MAP2K3: variants seen among roughly 807,000 people sequenced by gnomAD.
MAP2K3 encodes dual specificity mitogen-activated protein kinase kinase 3.
A neutral mutation model predicts 46.4 loss-of-function variants in MAP2K3; 30 were observed. That is an observed-to-expected ratio of 0.65 (90% CI 0.48 to 0.88). The LOEUF (loss-of-function observed/expected upper bound fraction) is 0.88, where lower values mean the gene tolerates loss of function less well. MAP2K3 is among the 40% of genes least tolerant of loss of function. The pLI is 0.00. For synonymous variants in MAP2K3, 189 were observed against 176.3 expected (o/e 1.07, Z -0.57); for missense variants, 380 against 464.5 (o/e 0.82, Z 1.67).
intron 9 of MAP2K3, among the ~76,000 whole-genome samples, chr17:21,309,991 T>C (rs988303026): frequency 6.6e-6 from 1 of 151,922 alleles, no homozygotes; most frequent in African/African-American, 2.4e-5. Flanking sequence ...TCTGTTTTTT[T>C]TGTTTTTTGT....
intron 3 of MAP2K3, 119 bp downstream of exon 3, chr17:21,299,045 G>A: frequency 6.8e-7 from 1 of 1,461,304 alleles, no homozygotes. Context: ...GTCAGGCTCT[G>A]GAGAAGAGCC....
At chr17:21,306,554 T>A (rs77823401) in intron 9 of MAP2K3, among the ~76,000 whole-genome samples, 1 of 149,008 alleles carries the variant, frequency 6.7e-6, no homozygotes, top group Non-Finnish European at 1.5e-5. Context: ...TGGCACAATC[T>A]TAGCTCACCG....
chr17:21,293,372 A>G (rs1976053859), intron 1 of MAP2K3, among the ~76,000 whole-genome samples: 1 of 152,304 alleles, frequency 6.6e-6, no homozygotes, highest in Admixed American at 6.5e-5. Context: ...CTTCCCTCCA[A>G]AGCACAAGTG....
Position 21,302,184 on chromosome 17 carries a change from G to C in MAP2K3, c.441G>C (p.Leu147Phe), listed in dbSNP as rs1265141106. 3.1e-6 allele frequency: 5 copies of C among 1,613,150 alleles called. No homozygotes were observed. Among genetic ancestry groups the C allele is most frequent in the Non-Finnish European group, 3.4e-6 (4 of 1,179,388 alleles). Residue 147 changes from leucine to phenylalanine, a missense_variant, in exon 6 of 12, where the codon TTG (leucine) becomes TTC (phenylalanine). This residue lies in a region of MAP2K3 where 294 missense variants were observed against 275.4 expected (regional missense o/e 1.07). Coordinates refer to ENST00000342679, the MANE Select transcript of MAP2K3 (RefSeq NM_145109.3). ...WICMELMDTS[L>F]DKFYRKVLDK... ...GCATGGAGCTCATGGACACATCCTT[G>C]GACAAGTTCTACCGGAAGGTGCTGG...
chr17:21,298,673 C>T (rs1032799242), intron 2 of MAP2K3, among the ~76,000 whole-genome samples, 194 bp downstream of exon 2: 6 of 152,304 alleles, frequency 3.9e-5, no homozygotes, highest in Non-Finnish European at 5.9e-5. Flanking sequence ...CTGCTCACTT[C>T]TCACCCTGTC....
intron 6 of MAP2K3, among the ~76,000 whole-genome samples, chr17:21,302,620 A>C (rs914505793): frequency 9.8e-5 from 15 of 152,424 alleles, no homozygotes; most frequent in African/African-American, 3.6e-4. Context: ...GTACAAGCTA[A>C]GTTGGGGGAA....
In MAP2K3 at chr17:21,293,446, C is replaced by T. The variant is rs1976058169; in HGVS notation, c.50-4967C>T. ...GCTGTTGGCATTGGGCGGGAGGACC[C>T]TCTGGCAGCCATGGTTGCCCCTGTG... On this transcript the variant is annotated intron_variant, in intron 1 of 11. Coordinates refer to ENST00000342679, the MANE Select transcript of MAP2K3 (RefSeq NM_145109.3). Among the ~76,000 whole-genome samples, 12 of 152,426 alleles carry T rather than the reference C, an allele frequency of 7.9e-5. No homozygotes were observed. The South Asian group carries it at 2.5e-3, about 32-fold the overall frequency.
chr17:21,299,285 C>G (rs1976453853), intron 3 of MAP2K3, among the ~76,000 whole-genome samples: 1 of 152,308 alleles, frequency 6.6e-6, no homozygotes, highest in African/African-American at 2.4e-5. Flanking sequence ...CAGGCCAGCA[C>G]CTGGGCAACC....
chr17:21,313,296 T>C (rs1866005), intron 10 of MAP2K3, among the ~76,000 whole-genome samples, 196 bp from the exon 11 acceptor site: 1 of 152,146 alleles, frequency 6.6e-6, no homozygotes, highest in Non-Finnish European at 1.5e-5. Flanking sequence ...CAGAGAAACT[T>C]GCTGCAAGTC....
intron 1 of MAP2K3, among the ~76,000 whole-genome samples, chr17:21,285,770 A>G (rs1975706450): frequency 6.6e-6 from 1 of 152,154 alleles, no homozygotes; most frequent in Admixed American, 6.5e-5. Context: ...CCGCCAGGCC[A>G]GGGTGCTGGC....
chr17:21,302,100 G>A lies in MAP2K3; in HGVS notation c.400-43G>A, dbSNP rs769993339. ...CAGGCAGTGCAGGTGGTGCAGACACGGGCAGCCCGGCAGCCTGGCTGAGCT... is the reference window on the plus strand; with the variant it reads ...CAGGCAGTGCAGGTGGTGCAGACACAGGCAGCCCGGCAGCCTGGCTGAGCT... On this transcript the variant is annotated intron_variant, in intron 5 of 11. Coordinates refer to ENST00000342679, the MANE Select transcript of MAP2K3 (RefSeq NM_145109.3). 183 of 1,604,338 alleles carry A rather than the reference G, an allele frequency of 1.1e-4. No homozygotes were observed. The East Asian group carries it at 1.6e-3, about 14-fold the overall frequency.
rs1316147051 is a variant in MAP2K3 at position 21,303,101 on chromosome 17, G to A, written c.517-82G>A. 5.7e-6 allele frequency: 9 copies of A among 1,569,098 alleles called. No individual in the cohort carries two copies. In the African/African-American group the frequency reaches 1.1e-4, roughly 19 times the overall value. Reference sequence around the variant, plus strand: ...GAGCGGGAGACAGGTGGACATGGATGGGGTCTTACTGCTCTGTCGTTTTTG... The same window carrying A: ...GAGCGGGAGACAGGTGGACATGGATAGGGTCTTACTGCTCTGTCGTTTTTG... On this transcript the variant is annotated intron_variant, in intron 6 of 11. Coordinates refer to ENST00000342679, the MANE Select transcript of MAP2K3 (RefSeq NM_145109.3).
intron 9 of MAP2K3, among the ~76,000 whole-genome samples, chr17:21,311,212 C>T (rs1380807999): frequency 2.0e-5 from 3 of 152,176 alleles, no homozygotes; most frequent in Non-Finnish European, 4.4e-5. Context: ...AGGTCTCTTC[C>T]GTTCATCATG....
chr17:21,312,847 G>GAGGTTGCAGTGAGCGGGAGCCA (rs1977229670), intron 10 of MAP2K3, among the ~76,000 whole-genome samples: 33 of 151,556 alleles, frequency 2.2e-4, no homozygotes, highest in African/African-American at 8.0e-4. Context: ...CCCGGGAGCC[G>GAGGTTGCAGTGAGCGGGAGCCA]GAGGTTGCAG....
At chr17:21,295,466 T>G (rs1019071467) in intron 1 of MAP2K3, among the ~76,000 whole-genome samples, 1 of 151,150 alleles carries the variant, frequency 6.6e-6, no homozygotes, top group Non-Finnish European at 1.5e-5. Flanking sequence ...GCCGAGAGCC[T>G]CTGTTTGTTG....
In MAP2K3 at chr17:21,300,866, C is replaced by T. The variant is rs1464046357; in HGVS notation, c.280-8C>T. The T allele has an allele frequency of 6.2e-7, 1 of 1,614,100 alleles. No homozygotes were observed. Among genetic ancestry groups the T allele is most frequent in the Non-Finnish European group, 8.5e-7 (1 of 1,180,054 alleles). On this transcript the variant is annotated splice_polypyrimidine_tract_variant and splice_region_variant and intron_variant, in intron 4 of 11. Transcript: ENST00000342679. ...CGGCAACCTCTGAATGGCAGTCCTT[C>T]CCTGCAGCGGATCCGGGCCACCGTG...
At position 21,314,953 on chromosome 17, in the gene MAP2K3, C is replaced by T. The variant is rs1873319527; in HGVS notation, c.*723C>T. 6.5e-6 allele frequency: 1 copy of T among 152,696 alleles called. No individual in the cohort carries two copies. The highest frequency in any genetic ancestry group is 2.4e-5 in the African/African-American group (1 of 41,424). The allele number at this position is 152,696 out of a possible 1,614,324, so 9.5% of individuals were successfully genotyped here. The stretch of plus-strand genomic sequence containing the variant: ...TGGTTTGGAGCTGATCGCTTCTCCC[C>T]CACCCCCTAGGGTACCAGCAGGCAG... On this transcript the variant is annotated 3_prime_UTR_variant, in exon 12 of 12. Coordinates refer to ENST00000342679, the MANE Select transcript of MAP2K3 (RefSeq NM_145109.3).
chr17:21,304,659 C>T lies in MAP2K3; in HGVS notation c.696+106C>T, dbSNP rs1976794291. On this transcript the variant is annotated intron_variant, in intron 8 of 11. Coordinates refer to ENST00000342679, the MANE Select transcript of MAP2K3 (RefSeq NM_145109.3). ...CCCTCTGTCCGTAGGGGCAGAGCCT[C>T]CCCACACTGCGTTTCCTGCTGTAGT... is the stretch of plus-strand genomic sequence containing the variant. 6 of 1,537,186 alleles carry T rather than the reference C, an allele frequency of 3.9e-6. No individual in the cohort carries two copies. In the Admixed American group the frequency reaches 9.6e-5, roughly 25 times the overall value.
chr17:21,309,119 C>A (rs1323151367), intron 9 of MAP2K3, among the ~76,000 whole-genome samples: 4 of 152,304 alleles, frequency 2.6e-5, no homozygotes, highest in South Asian at 2.1e-4. Context: ...GCCTCCTCTG[C>A]CTGGCCTCTC....
Sources: gnomAD v4.1 joint callset for allele counts (sites outside exome capture counted in the v4.1 genomes callset) on GRCh38, gnomAD v4.1.1 for gene constraint, gnomAD v4.1.1 regional missense constraint, MANE v1.5 for transcripts, NCBI Gene and HGNC (gene_info 2026-07-23, HGNC 2026-07-21) for gene names.